Variants in KCNA6 observed in about 807,000 individuals in gnomAD.
The protein encoded by KCNA6 is potassium voltage-gated channel subfamily A member 6, also known as human brain potassium channel-2.
In KCNA6, 17 loss-of-function variants were observed where a neutral mutation model predicts 29.5. That is an observed-to-expected ratio of 0.58 (90% CI 0.39 to 0.86). The LOEUF is 0.86. KCNA6 is among the 40% of genes least tolerant of loss of function. The probability of loss-of-function intolerance (pLI) is 0.00; values close to 1 mark genes in which losing one functional copy is unlikely to be tolerated. For synonymous variants in KCNA6, 296 were observed against 304.7 expected, an observed-to-expected ratio of 0.97 and a Z score of 0.30; for missense variants, 450 against 703.4, an observed-to-expected ratio of 0.64 and a Z score of 4.07.
the KCNA6 span, among the ~76,000 whole-genome samples, chr12:4,829,879 A>G: frequency 6.6e-6 from 1 of 152,262 alleles, no homozygotes; most frequent in East Asian, 1.9e-4. Context: ...AGGCATTATT[A>G]TATTGTCCTT....
the KCNA6 span, among the ~76,000 whole-genome samples, chr12:4,820,817 C>T: frequency 6.6e-6 from 1 of 152,140 alleles, no homozygotes; most frequent in Non-Finnish European, 1.5e-5. Flanking sequence ...GTATTTAGCA[C>T]TGGACAAAGA....
At chr12:4,819,769 G>A in the KCNA6 span, among the ~76,000 whole-genome samples, 1 of 152,236 alleles carries the variant, frequency 6.6e-6, no homozygotes, top group African/African-American at 2.4e-5. Flanking sequence ...TGGCTTGCCT[G>A]CCATGGGAGT....
chr12:4,811,596 G>T lies in KCNA6; in HGVS notation c.1555G>T (p.Ala519Ser). Residue 519 changes from alanine to serine, a missense_variant, in exon 1 of 1, where the codon GCC becomes TCC. Around this residue, in one of 7 missense-constraint regions of KCNA6, gnomAD observed 56 missense variants for 65.2 expected, o/e 0.86. Coordinates refer to ENST00000280684, the Ensembl canonical transcript of KCNA6. The surrounding 1 kb of genome is among the most constrained non-coding windows in gnomAD (Gnocchi z 7.1). ...CAGCTACCTTCCTACACCACATCGG[G>T]CCTATGCAGAGAAAAGAATGCTCAC... is the stretch of plus-strand genomic sequence containing the variant. 6.2e-7 allele frequency: 1 copy of T among 1,614,124 alleles called. No individual in the cohort carries two copies. Among genetic ancestry groups the T allele is most frequent in the East Asian group, 2.2e-5 (1 of 44,874 alleles).
At chr12:4,816,061 A>ATAT (rs1946678252), downstream of KCNA6, among the ~76,000 whole-genome samples, 1 of 152,252 alleles carries the variant, frequency 6.6e-6, no homozygotes, top group Non-Finnish European at 1.5e-5. Context: ...AACGAGTCTA[A>ATAT]TAATCTGGGA....
chr12:4,819,466 G>A, the KCNA6 span, among the ~76,000 whole-genome samples: 1 of 152,166 alleles, frequency 6.6e-6, no homozygotes, highest in Non-Finnish European at 1.5e-5. Context: ...GCAGGTGGGG[G>A]TACCCCTTAA....
At chr12:4,835,739 C>T in the KCNA6 span, among the ~76,000 whole-genome samples, 1 of 152,138 alleles carries the variant, frequency 6.6e-6, no homozygotes, top group African/African-American at 2.4e-5. Flanking sequence ...ACAAAGACAT[C>T]AACTCAGCTG....
downstream of KCNA6, among the ~76,000 whole-genome samples, chr12:4,817,568 T>A (rs1426293507): frequency 2.0e-5 from 3 of 152,180 alleles, no homozygotes; most frequent in African/African-American, 7.2e-5. Context: ...CCACTGCCTT[T>A]GAAGGGTTAT....
chr12:4,850,628 C>T, the KCNA6 span: 41 of 322,984 alleles, frequency 1.3e-4, no homozygotes, highest in Non-Finnish European at 2.6e-4. This position sits in a 1 kb window ranked among gnomAD's most constrained non-coding sequence, Gnocchi z 5.4. Flanking sequence ...CAAATGCCAG[C>T]GGGGTGAGGA....
At chr12:4,845,852 A>G in the KCNA6 span, among the ~76,000 whole-genome samples, 6 of 152,118 alleles carry the variant, frequency 3.9e-5, no homozygotes, top group African/African-American at 1.2e-4. Flanking sequence ...CCTCATCCCT[A>G]TCTTGCATCC....
chr12:4,842,222 A>T, the KCNA6 span, among the ~76,000 whole-genome samples: 4 of 152,204 alleles, frequency 2.6e-5, no homozygotes, highest in South Asian at 6.2e-4. Flanking sequence ...TGATATTTGA[A>T]TAACTAACAG....
chr12:4,825,012 C>T, the KCNA6 span, among the ~76,000 whole-genome samples: 834 of 152,256 alleles, frequency 5.5e-3, 6 homozygotes, highest in African/African-American at 0.019. Flanking sequence ...TAGATTATTC[C>T]AGGCTTATTC....
chr12:4,822,054 C>G, the KCNA6 span, among the ~76,000 whole-genome samples: 1 of 152,174 alleles, frequency 6.6e-6, no homozygotes, highest in African/African-American at 2.4e-5. Context: ...AGGCTGATCT[C>G]AAACTCCTGA....
the KCNA6 span, among the ~76,000 whole-genome samples, chr12:4,845,527 G>A: frequency 1.3e-5 from 2 of 152,052 alleles, no homozygotes; most frequent in African/African-American, 2.4e-5. Flanking sequence ...TTAGGCACAC[G>A]GTTCCTAGAA....
At chr12:4,826,694 C>T in the KCNA6 span, among the ~76,000 whole-genome samples, 6 of 152,204 alleles carry the variant, frequency 3.9e-5, no homozygotes, top group South Asian at 2.1e-4. Context: ...GAAAATTCTG[C>T]GGATACCCAA....
the KCNA6 span, among the ~76,000 whole-genome samples, chr12:4,818,842 A>G: frequency 1.4e-5 from 2 of 138,642 alleles, no homozygotes; most frequent in Admixed American, 1.4e-4. Flanking sequence ...GAAAGTGCAC[A>G]CACACACACA....
chr12:4,846,993 C>G, the KCNA6 span, among the ~76,000 whole-genome samples: 36 of 151,536 alleles, frequency 2.4e-4, no homozygotes, highest in African/African-American at 8.5e-4. Context: ...ATCGTGTTAG[C>G]CAGGATGGTC....
At chr12:4,847,892 C>T in the KCNA6 span, among the ~76,000 whole-genome samples, 2 of 152,170 alleles carry the variant, frequency 1.3e-5, no homozygotes, top group African/African-American at 4.8e-5. Context: ...CCAGTGTCTA[C>T]AGGCCTTTTT....
downstream of KCNA6, among the ~76,000 whole-genome samples, chr12:4,817,697 C>T (rs1246832073): frequency 1.3e-5 from 2 of 152,196 alleles, no homozygotes; most frequent in Non-Finnish European, 2.9e-5. Context: ...CTGGTCTAAC[C>T]TTGGCTATCA....
chr12:4,831,461 C>T, the KCNA6 span, among the ~76,000 whole-genome samples: 1 of 152,246 alleles, frequency 6.6e-6, no homozygotes, highest in African/African-American at 2.4e-5. Context: ...TCCTAGAAAC[C>T]GTTAGTCAGG....
Sources: allele counts gnomAD v4.1 joint callset (sites outside exome capture counted in the v4.1 genomes callset), GRCh38; gene constraint gnomAD v4.1.1; regional missense constraint gnomAD v4.1.1; non-coding constraint Gnocchi (gnomAD v3.1); transcripts MANE v1.5; gene names NCBI Gene and HGNC (gene_info 2026-07-23, HGNC 2026-07-21).